The following SLC12A1 variants were observed in gnomAD, a reference collection of about 807,000 sequenced individuals.
SLC12A1 encodes the protein Na-K-2Cl cotransporter.
SLC12A1 carries 89 observed loss-of-function variants against 130.4 expected under a neutral mutation model. The observed-to-expected ratio is 0.68, with a 90% CI of 0.58 to 0.81. SLC12A1 has a LOEUF of 0.81. SLC12A1 is among the 40% of genes least tolerant of loss of function. SLC12A1 has a pLI of 0.00. For synonymous variants in SLC12A1, 499 were observed against 460.0 expected (o/e 1.08, Z -1.09); for missense variants, 1,310 against 1,336.4 (o/e 0.98, Z 0.31).
At chr15:48,241,066 T>C (rs1268298068) in intron 9 of SLC12A1, among the ~76,000 whole-genome samples, 4 of 152,152 alleles carry the variant, frequency 2.6e-5, no homozygotes, top group Non-Finnish European at 5.9e-5. Flanking sequence ...TTTTACTCAG[T>C]CAAAAGTGAT....
In SLC12A1 at chr15:48,292,012, C is replaced by A. The variant is rs2042126640; in HGVS notation, c.2960+148C>A. ...AAGAAGAGCCTTCAAATAAGCATGA[C>A]ATGGAACTAACAAGTACATTCTAAA... On this transcript the variant is annotated intron_variant, in intron 24 of 26. Coordinates refer to ENST00000380993, the MANE Select transcript of SLC12A1 (RefSeq NM_000338.3). The A allele has an allele frequency of 5.0e-6, 3 of 601,538 alleles. No individual in the cohort carries two copies. In the South Asian group the frequency reaches 6.8e-5, roughly 14 times the overall value. The allele number at this position is 601,538 out of a possible 1,614,324, so 37.3% of individuals were successfully genotyped here. A position where few individuals can be genotyped will look rare whatever the true frequency, so the allele number is the denominator to read the frequency against.
intron 10 of SLC12A1, among the ~76,000 whole-genome samples, chr15:48,242,205 C>G (rs2041524960): frequency 6.6e-6 from 1 of 152,192 alleles, no homozygotes. Context: ...TTTGGTTCTA[C>G]CTGCTGCCTG....
chr15:48,236,717 T>C (rs1464974553), intron 9 of SLC12A1, among the ~76,000 whole-genome samples: 1 of 152,204 alleles, frequency 6.6e-6, no homozygotes, highest in Non-Finnish European at 1.5e-5. Flanking sequence ...AAAAATATTA[T>C]GCTGAAGTGC....
chr15:48,269,998 A>C (rs2041875814), intron 19 of SLC12A1, among the ~76,000 whole-genome samples: 1 of 152,218 alleles, frequency 6.6e-6, no homozygotes, highest in African/African-American at 2.4e-5. Flanking sequence ...CAGAGAAAAA[A>C]GTAAATGTTT....
intron 20 of SLC12A1, among the ~76,000 whole-genome samples, chr15:48,276,673 C>T (rs1448574381): frequency 1.3e-5 from 2 of 152,282 alleles, no homozygotes; most frequent in East Asian, 3.9e-4. Flanking sequence ...CTGTCTGTGA[C>T]ACTTGTTATG....
At chr15:48,230,795 C>G (rs896715136) in intron 7 of SLC12A1, among the ~76,000 whole-genome samples, 1 of 152,196 alleles carries the variant, frequency 6.6e-6, no homozygotes, top group Non-Finnish European at 1.5e-5. Context: ...ACGCTGGAAG[C>G]CTGGGTCTCT....
At chr15:48,232,866 A>T (rs760415164) in intron 8 of SLC12A1, 28 bp downstream of exon 8, 2 of 1,348,392 alleles carry the variant, frequency 1.5e-6, no homozygotes, top group East Asian at 2.3e-5. Context: ...GTTGCTTTTC[A>T]TTAAATACTT....
chr15:48,250,957 C>T (rs1350773761), intron 14 of SLC12A1, among the ~76,000 whole-genome samples: 2 of 152,296 alleles, frequency 1.3e-5, no homozygotes, highest in African/African-American at 2.4e-5. Context: ...ACACAGAAAA[C>T]TCCCACGCAC....
chr15:48,254,402 A>T (rs2041679943), intron 15 of SLC12A1, among the ~76,000 whole-genome samples: 1 of 151,978 alleles, frequency 6.6e-6, no homozygotes, highest in Non-Finnish European at 1.5e-5. Context: ...TTAATGCCTG[A>T]TGCACAATCA....
intron 3 of SLC12A1, 71 bp from the exon 4 acceptor site, chr15:48,220,850 T>A: frequency 6.2e-7 from 1 of 1,610,896 alleles, no homozygotes. Context: ...GGGCACAGCT[T>A]TATGAAGAGC....
At position 48,227,139 on chromosome 15, in the gene SLC12A1, T is replaced by C. The variant is rs1332479902; in HGVS notation, c.724+568T>C. 8 of 1,552,176 alleles carry C rather than the reference T, an allele frequency of 5.2e-6. No individual in the cohort carries two copies. The South Asian group carries it at 9.5e-5, about 18-fold the overall frequency. On this transcript the variant is annotated intron_variant, in intron 5 of 26. Transcript: ENST00000380993. ...GTAACGACACTCACAGGTATTTCTA[T>C]GTCTGCTATTTGCACGAATGGAGTA...
chr15:48,226,377 G>T, intron 4 of SLC12A1, 99 bp from the exon 5 acceptor site: 1 of 701,006 alleles, frequency 1.4e-6, no homozygotes, highest in Non-Finnish European at 2.4e-6. Context: ...CCGAGGCATG[G>T]ACCTGAAAAC....
chr15:48,296,206 G>C (rs748994395), intron 24 of SLC12A1, among the ~76,000 whole-genome samples: 4 of 152,136 alleles, frequency 2.6e-5, no homozygotes, highest in African/African-American at 4.8e-5. Context: ...AAAATAGTTT[G>C]TCAATGATTT....
chr15:48,221,080 G>A lies in SLC12A1; in HGVS notation c.628+84G>A. 2.5e-6 allele frequency: 3 copies of A among 1,212,208 alleles called. No homozygotes were observed. The East Asian group carries it at 7.0e-5, about 28-fold the overall frequency. The allele number at this position is 1,212,208 out of a possible 1,614,324, so 75.1% of individuals were successfully genotyped here. Reference sequence around the variant, plus strand: ...TCTTTTTTCACCATTAATACTGAATGTGAGATGAAGGTCACAGAAATAATT... The same window carrying A: ...TCTTTTTTCACCATTAATACTGAATATGAGATGAAGGTCACAGAAATAATT... On this transcript the variant is annotated intron_variant, in intron 4 of 26. Transcript: ENST00000380993.
Position 48,207,596 on chromosome 15 carries a change from A to T in SLC12A1, c.-124A>T. 1 of 664,878 alleles carries T rather than the reference A, an allele frequency of 1.5e-6. No homozygotes were observed. Among genetic ancestry groups the T allele is most frequent in the South Asian group, 2.8e-5 (1 of 35,584 alleles). 41.2% of individuals were successfully genotyped at this position (664,878 alleles called of 1,614,324 possible). On this transcript the variant is annotated 5_prime_UTR_variant, in exon 2 of 27. Transcript: ENST00000380993. Reference sequence around the variant, plus strand: ...ATATCAAGAATCTATTTATTGAATCATCTAGAACAAAAGCCAGGAGCTCCC... The same window carrying T: ...ATATCAAGAATCTATTTATTGAATCTTCTAGAACAAAAGCCAGGAGCTCCC...
chr15:48,220,950 C>A lies in SLC12A1; in HGVS notation c.582C>A (p.Val194=). ...GATGCATGCTGAACATCTGGGGAGTCATGCTCTTCATTCGCCTCTCCTGGA... is the reference window on the plus strand; with the variant it reads ...GATGCATGCTGAACATCTGGGGAGTAATGCTCTTCATTCGCCTCTCCTGGA... ...LVRCMLNIWG[V]MLFIRLSWIV... The change falls in exon 4 of 27, where the codon GTC becomes GTA. Residue 194 remains valine (V), a synonymous_variant. Coordinates refer to ENST00000380993, the MANE Select transcript of SLC12A1 (RefSeq NM_000338.3). The A allele has an allele frequency of 3.1e-6, 5 of 1,613,976 alleles. No homozygotes were observed. Among genetic ancestry groups the A allele is most frequent in the Non-Finnish European group, 4.2e-6 (5 of 1,179,878 alleles).
chr15:48,283,944 G>C (rs986287947), intron 20 of SLC12A1, among the ~76,000 whole-genome samples: 1 of 152,184 alleles, frequency 6.6e-6, no homozygotes, highest in Non-Finnish European at 1.5e-5. Flanking sequence ...CCCTGATTCA[G>C]TGCAGGGTGA....
At chr15:48,253,614 T>C (rs1005720568) in intron 15 of SLC12A1, among the ~76,000 whole-genome samples, 7 of 152,234 alleles carry the variant, frequency 4.6e-5, no homozygotes, top group Admixed American at 3.3e-4. Context: ...TCTGAGTTGT[T>C]TTCAGTTTAG....
At chr15:48,246,090 G>T (rs2041576967) in intron 11 of SLC12A1, among the ~76,000 whole-genome samples, 1 of 152,182 alleles carries the variant, frequency 6.6e-6, no homozygotes, top group African/African-American at 2.4e-5. Context: ...CTCACAAAGA[G>T]AAATTAACTC....
Sources: gnomAD v4.1 joint callset for allele counts (sites outside exome capture counted in the v4.1 genomes callset) on GRCh38, gnomAD v4.1.1 for gene constraint, MANE v1.5 for transcripts, NCBI Gene and HGNC (gene_info 2026-07-23, HGNC 2026-07-21) for gene names.